SGCZ: variants seen among roughly 807,000 people sequenced by gnomAD.
SGCZ encodes zeta-sarcoglycan.
Under a neutral mutation model 41.3 loss-of-function variants are expected in SGCZ, and 40 were observed. The observed-to-expected ratio is 0.97, with a 90% CI of 0.75 to 1.26. The LOEUF (loss-of-function observed/expected upper bound fraction) is 1.26, where lower values mean the gene tolerates loss of function less well. Ranked by LOEUF, SGCZ falls within the 50% of genes most tolerant of loss-of-function variation. The pLI, the probability that SGCZ is intolerant of heterozygous loss-of-function variation, is 0.00. For synonymous variants in SGCZ, 206 were observed against 137.5 expected (o/e 1.50, Z -3.49); for missense variants, 552 against 369.8 (o/e 1.49, Z -4.04).
chr8:15,000,800 G>A (rs1802391469), intron 1 of SGCZ, among the ~76,000 whole-genome samples: 6 of 152,166 alleles, frequency 3.9e-5, no homozygotes, highest in Admixed American at 3.9e-4. Context: ...ATCTGCTGCA[G>A]TCCGCCATCT....
chr8:15,010,530 A>C (rs965916951), intron 1 of SGCZ, among the ~76,000 whole-genome samples: 22 of 152,176 alleles, frequency 1.4e-4, no homozygotes, highest in Non-Finnish European at 2.5e-4. Context: ...CTTCTGATTA[A>C]GACAAAATCC....
intron 2 of SGCZ, among the ~76,000 whole-genome samples, chr8:14,474,093 A>G (rs969972802): frequency 6.6e-6 from 1 of 152,192 alleles, no homozygotes; most frequent in Non-Finnish European, 1.5e-5. Context: ...CAACAGAAAT[A>G]GAATCTTTCT....
chr8:14,851,385 A>G (rs979226481), intron 1 of SGCZ, among the ~76,000 whole-genome samples: 16 of 150,036 alleles, frequency 1.1e-4, no homozygotes, highest in South Asian at 1.0e-3. Context: ...AAAAAAAAAA[A>G]AAAAAGAAAA....
intron 5 of SGCZ, among the ~76,000 whole-genome samples, chr8:14,143,710 G>C (rs1563151235): frequency 6.6e-6 from 1 of 152,164 alleles, no homozygotes; most frequent in East Asian, 1.9e-4. Context: ...ATTTAACTGT[G>C]TATGGCTGAA....
intron 1 of SGCZ, among the ~76,000 whole-genome samples, chr8:14,762,634 T>C (rs1001204989): frequency 1.3e-5 from 2 of 152,152 alleles, no homozygotes; most frequent in East Asian, 1.9e-4. Flanking sequence ...CAAAGCAAAA[T>C]GACAACATGA....
rs74758885 is a variant in SGCZ, at chr8:14,508,889, T to C, written c.234+45843A>G. ...TTGGGTGCTTAAGTGAAATTAGGAT[T>C]AACTAAATGATAATAGAAGGATATT... is the stretch of plus-strand genomic sequence containing the variant. On this transcript the variant is annotated intron_variant, in intron 2 of 7. Transcript: ENST00000382080. 1.2e-3 allele frequency among the ~76,000 whole-genome samples: 178 copies of C among 152,300 alleles called. 1 individual carries two copies. The East Asian group carries it at 0.022, about 19-fold the overall frequency.
intron 2 of SGCZ, among the ~76,000 whole-genome samples, chr8:14,482,618 T>C (rs954500116): frequency 6.6e-6 from 1 of 152,166 alleles, no homozygotes; most frequent in African/African-American, 2.4e-5. Context: ...TGGTTAGACA[T>C]TATTTCTGGG....
intron 1 of SGCZ, among the ~76,000 whole-genome samples, chr8:14,934,796 G>A (rs558929245): frequency 1.3e-5 from 2 of 151,312 alleles, no homozygotes; most frequent in South Asian, 4.2e-4. Flanking sequence ...AAAAAAGGCA[G>A]GAAAAATGAC....
intron 6 of SGCZ, among the ~76,000 whole-genome samples, chr8:14,102,928 C>A (rs754185387): frequency 3.3e-5 from 5 of 152,070 alleles, no homozygotes; most frequent in African/African-American, 4.8e-5. Context: ...TATATGTATT[C>A]CTCAATAAAG....
At chr8:14,268,751 G>C (rs1162883721) in intron 3 of SGCZ, among the ~76,000 whole-genome samples, 2 of 151,670 alleles carry the variant, frequency 1.3e-5, no homozygotes, top group African/African-American at 4.8e-5. Flanking sequence ...ATGTACATTT[G>C]CATTCATTAC....
chr8:14,858,929 T>C (rs1486816537), intron 1 of SGCZ, among the ~76,000 whole-genome samples: 2 of 152,182 alleles, frequency 1.3e-5, no homozygotes, highest in African/African-American at 4.8e-5. Context: ...TCAATGTTTT[T>C]CTTTGGCAAC....
At chr8:15,074,660 G>A (rs114596009) in intron 1 of SGCZ, among the ~76,000 whole-genome samples, 1,593 of 152,138 alleles carry the variant, frequency 0.01, 29 homozygotes, top group African/African-American at 0.036. Context: ...TTATTCTGCA[G>A]TCATAGAGAA....
At chr8:14,971,037 GC>G (rs1801278067) in intron 1 of SGCZ, among the ~76,000 whole-genome samples, 2 of 152,006 alleles carry the variant, frequency 1.3e-5, no homozygotes, top group Non-Finnish European at 2.9e-5. Context: ...TATTTTTGAT[GC>G]TTTTGTGAAA....
chr8:15,152,941 G>A (rs1799224774), intron 1 of SGCZ, among the ~76,000 whole-genome samples: 1 of 152,116 alleles, frequency 6.6e-6, no homozygotes, highest in African/African-American at 2.4e-5. Context: ...AGAGGAAAGG[G>A]TTTTGCAAAT....
chr8:15,043,112 C>T (rs1163034380), intron 1 of SGCZ, among the ~76,000 whole-genome samples: 1 of 152,190 alleles, frequency 6.6e-6, no homozygotes, highest in African/African-American at 2.4e-5. Context: ...CAACAGCATC[C>T]TCAACCACTG....
intron 2 of SGCZ, among the ~76,000 whole-genome samples, chr8:14,371,470 A>G (rs559614551): frequency 1.3e-3 from 197 of 152,136 alleles, no homozygotes; most frequent in Middle Eastern, 3.4e-3. Context: ...AAAACACTCT[A>G]AATTTCTAAA....
intron 1 of SGCZ, among the ~76,000 whole-genome samples, chr8:14,948,283 A>G (rs774344033): frequency 4.6e-5 from 7 of 152,286 alleles, no homozygotes; most frequent in South Asian, 4.1e-4. Context: ...TAATAAGATG[A>G]TGAGAACTGG....
At chr8:14,808,337 C>G (rs1005192151) in intron 1 of SGCZ, among the ~76,000 whole-genome samples, 1 of 152,126 alleles carries the variant, frequency 6.6e-6, no homozygotes, top group African/African-American at 2.4e-5. Context: ...ACTCATCTGA[C>G]AAAGGGCTAA....
chr8:14,709,054 C>G (rs565721562), intron 1 of SGCZ, among the ~76,000 whole-genome samples: 3 of 152,024 alleles, frequency 2.0e-5, no homozygotes, highest in Admixed American at 6.5e-5. Flanking sequence ...AATATTTCAA[C>G]GAAATTATGG....
Sources: gnomAD v4.1 joint callset for allele counts (sites outside exome capture counted in the v4.1 genomes callset) on GRCh38, gnomAD v4.1.1 for gene constraint, MANE v1.5 for transcripts, NCBI Gene and HGNC (gene_info 2026-07-23, HGNC 2026-07-21) for gene names.